Variants in ANKRD13A observed in about 807,000 individuals in gnomAD.
The protein encoded by ANKRD13A is ankyrin repeat domain 13A.
ANKRD13A carries 48 observed loss-of-function variants against 81.3 expected under a neutral mutation model. The observed-to-expected ratio is 0.59, with a 90% CI of 0.47 to 0.75. ANKRD13A has a LOEUF of 0.75. ANKRD13A is among the 30% of genes least tolerant of loss of function. The pLI is 0.00. For missense variants in ANKRD13A, 612 were observed against 734.0 expected (o/e 0.83, Z 1.92); for synonymous variants, 230 against 270.1 (o/e 0.85, Z 1.45).
chr12:110,013,645 C>T (rs1227595284), intron 3 of ANKRD13A, among the ~76,000 whole-genome samples: 1 of 152,044 alleles, frequency 6.6e-6, no homozygotes, highest in African/African-American at 2.4e-5. Context: ...GTAGTGCATA[C>T]CTGTAGTCTG....
intron 12 of ANKRD13A, among the ~76,000 whole-genome samples, chr12:110,031,810 A>G (rs1293818218): frequency 2.0e-5 from 3 of 152,160 alleles, no homozygotes; most frequent in East Asian, 1.9e-4. Context: ...AGTTACTAGT[A>G]TATAGAAATA....
At position 110,012,050 on chromosome 12, in the gene ANKRD13A, G is replaced by C; in HGVS notation, c.142G>C (p.Ala48Pro). ...ACGAGGTCGAACATTATTGCATCTT[G>C]CTGTTTCCTTGGGACATTTGGAATC... ...DPRGRTLLHL[A>P]VSLGHLESAR... is the part of the protein sequence containing the mutation. The change falls in exon 2 of 15, where the codon GCT becomes CCT. Residue 48 changes from alanine (A) to proline (P), a missense_variant. Ala to Pro is a conservative substitution (Grantham distance 27). Coordinates refer to ENST00000261739, the MANE Select transcript of ANKRD13A (RefSeq NM_033121.2). 6.2e-7 allele frequency: 1 copy of C among 1,613,290 alleles called. No individual in the cohort carries two copies. Among genetic ancestry groups the C allele is most frequent in the Non-Finnish European group, 8.5e-7 (1 of 1,179,276 alleles).
At chr12:110,027,644 T>A in intron 8 of ANKRD13A, 61 bp from the exon 9 acceptor site, 1 of 1,476,990 alleles carries the variant, frequency 6.8e-7, no homozygotes, top group East Asian at 2.3e-5. Flanking sequence ...AATGAAGATC[T>A]TTTTTTTATA....
intron 13 of ANKRD13A, among the ~76,000 whole-genome samples, chr12:110,035,134 G>A (rs1157427178): frequency 2.0e-5 from 3 of 152,170 alleles, no homozygotes; most frequent in African/African-American, 7.2e-5. Flanking sequence ...CCTGGGAGAA[G>A]ACCCCTGCAC....
Position 110,037,725 on chromosome 12 carries a change from G to A in ANKRD13A, c.*171G>A, listed in dbSNP as rs567040715. 3.1e-4 allele frequency: 193 copies of A among 623,898 alleles called. No individual in the cohort carries two copies. Among genetic ancestry groups the A allele is most frequent in the Non-Finnish European group, 4.8e-4 (181 of 376,572 alleles). 38.6% of individuals were successfully genotyped at this position (623,898 alleles called of 1,614,324 possible). On this transcript the variant is annotated 3_prime_UTR_variant, in exon 15 of 15. Transcript: ENST00000261739. ...ACCAGGGACTCCTGGGCCCATCCAG[G>A]CTGCTCCCTGGGGTGGAGAAGGGAC...
chr12:110,037,028 C>T (rs1226472571), intron 14 of ANKRD13A, among the ~76,000 whole-genome samples: 3 of 152,134 alleles, frequency 2.0e-5, no homozygotes, highest in African/African-American at 4.8e-5. Context: ...CCAGAGATTA[C>T]GGGAAAAACC....
At chr12:110,017,863 C>T (rs778358926) in intron 4 of ANKRD13A, among the ~76,000 whole-genome samples, 72 of 151,288 alleles carry the variant, frequency 4.8e-4, no homozygotes, top group Non-Finnish European at 9.1e-4. Context: ...ACCTGGGAGG[C>T]GGAGGTTGCA....
chr12:110,003,305 G>A (rs997758778), intron 1 of ANKRD13A, among the ~76,000 whole-genome samples: 9 of 152,190 alleles, frequency 5.9e-5, no homozygotes, highest in African/African-American at 2.2e-4. Context: ...GACATTCCTG[G>A]GGTTCTCACT....
intron 3 of ANKRD13A, 138 bp from the exon 4 acceptor site, chr12:110,016,250 G>A (rs1890797774): frequency 6.6e-6 from 4 of 604,538 alleles, no homozygotes; most frequent in Non-Finnish European, 1.0e-5. Context: ...ACCCGGCTAG[G>A]GGCTTACATT....
chr12:110,007,713 A>G (rs1264209468), intron 1 of ANKRD13A, among the ~76,000 whole-genome samples: 1 of 152,108 alleles, frequency 6.6e-6, no homozygotes, highest in Non-Finnish European at 1.5e-5. Flanking sequence ...ACAATGTTTT[A>G]TGGTTTAAGA....
At chr12:110,002,267 G>A (rs1890020155) in intron 1 of ANKRD13A, among the ~76,000 whole-genome samples, 1 of 152,062 alleles carries the variant, frequency 6.6e-6, no homozygotes, top group East Asian at 1.9e-4. Context: ...GAGCTTTTTT[G>A]CTCTATATTC....
chr12:110,008,529 TCATC>T (rs1188919355), intron 1 of ANKRD13A, among the ~76,000 whole-genome samples: 1 of 152,212 alleles, frequency 6.6e-6, no homozygotes, highest in Non-Finnish European at 1.5e-5. Flanking sequence ...TTTTCCTTCT[TCATC>T]TATTTATTGG....
At chr12:110,003,606 G>C (rs554848714) in intron 1 of ANKRD13A, among the ~76,000 whole-genome samples, 1 of 152,326 alleles carries the variant, frequency 6.6e-6, no homozygotes, top group Non-Finnish European at 1.5e-5. Context: ...CCCCCTAAAG[G>C]TGACAGTGAG....
rs765615697 is a variant in ANKRD13A, at chr12:110,033,885, T to C, written c.1437T>C (p.His479=). The part of the protein sequence containing the change: ...YYVQDNGRNV[H]LQDEDYEIMQ... ...TTCAAGACAATGGCAGAAATGTGCA[T>C]TTGCAAGATGAAGATTACGAGATAA... Residue 479 remains histidine (H), a synonymous_variant, in exon 13 of 15, where the codon CAT becomes CAC. Transcript: ENST00000261739. 1.9e-6 allele frequency: 3 copies of C among 1,613,586 alleles called. No homozygotes were observed. Among genetic ancestry groups the C allele is most frequent in the Non-Finnish European group, 2.5e-6 (3 of 1,179,836 alleles).
At chr12:110,016,323 C>G (rs994993851) in intron 3 of ANKRD13A, 65 bp from the exon 4 acceptor site, 7 of 1,234,752 alleles carry the variant, frequency 5.7e-6, no homozygotes, top group Non-Finnish European at 7.8e-6. Flanking sequence ...ACCCTGTTAA[C>G]CCCTGCTTAT....
intron 3 of ANKRD13A, 140 bp from the exon 4 acceptor site, chr12:110,016,248 A>G (rs886783679): frequency 3.5e-6 from 2 of 579,168 alleles, no homozygotes; most frequent in Non-Finnish European, 5.4e-6. Flanking sequence ...TCACCCGGCT[A>G]GGGGCTTACA....
At position 109,999,722 on chromosome 12, in the gene ANKRD13A, C is replaced by G; in HGVS notation, c.34C>G (p.Pro12Ala). The G allele has an allele frequency of 6.5e-7, 1 of 1,538,492 alleles. No homozygotes were observed. Among genetic ancestry groups the G allele is most frequent in the East Asian group, 2.5e-5 (1 of 39,300 alleles). Residue 12 changes from proline (P) to alanine (A), a missense_variant, in exon 1 of 15, where the codon CCC becomes GCC. Physicochemically the swap from Pro to Ala is conservative, Grantham distance 27. Coordinates refer to ENST00000261739, the MANE Select transcript of ANKRD13A (RefSeq NM_033121.2). The surrounding 1 kb of genome is among the most constrained non-coding windows in gnomAD (Gnocchi z 4.3). The stretch of plus-strand genomic sequence containing the variant: ...GGCCTGCGACGCGGGCGACCACTAC[C>G]CCCTGCACCTCCTAGTCTGGAAAAA... ...SSACDAGDHY[P>A]LHLLVWKNDY...
intron 2 of ANKRD13A, 140 bp downstream of exon 2, chr12:110,012,277 A>T: frequency 1.0e-6 from 1 of 985,670 alleles, no homozygotes; most frequent in South Asian, 2.0e-5. Context: ...AGGGGGTAGG[A>T]TCACCTGAGC....
At chr12:110,030,313 T>G (rs1480369556) in intron 11 of ANKRD13A, among the ~76,000 whole-genome samples, 1 of 152,078 alleles carries the variant, frequency 6.6e-6, no homozygotes, top group Non-Finnish European at 1.5e-5. Flanking sequence ...ATTATAGGCA[T>G]GCATCACCAC....
Sources: gnomAD v4.1 joint callset for allele counts (sites outside exome capture counted in the v4.1 genomes callset) on GRCh38, gnomAD v4.1.1 for gene constraint, Gnocchi (gnomAD v3.1) non-coding constraint, MANE v1.5 for transcripts, NCBI Gene and HGNC (gene_info 2026-07-23, HGNC 2026-07-21) for gene names.